The following CYFIP2 variants were observed in gnomAD, a reference collection of about 807,000 sequenced individuals.
CYFIP2 encodes cytoplasmic FMR1-interacting protein 2.
A neutral mutation model predicts 158.7 loss-of-function variants in CYFIP2; 29 were observed. That is an observed-to-expected ratio of 0.18 (90% CI 0.14 to 0.25). The LOEUF (loss-of-function observed/expected upper bound fraction) is 0.25. Among genes scored for constraint, CYFIP2 ranks in the 10% least tolerant of loss-of-function variants. CYFIP2 has a pLI of 1.00. For synonymous variants in CYFIP2, 585 were observed against 617.6 expected, an observed-to-expected ratio of 0.95 and a Z score of 0.78; for missense variants, 852 against 1,639.5, an observed-to-expected ratio of 0.52 and a Z score of 8.29.
intron 26 of CYFIP2, among the ~76,000 whole-genome samples, chr5:157,369,758 G>A (rs778510975): frequency 6.6e-6 from 1 of 152,166 alleles, no homozygotes; most frequent in African/African-American, 2.4e-5. Flanking sequence ...CAGGGAGGCA[G>A]TGCAGGTTAG....
chr5:157,271,004 T>C (rs1438610500), intron 1 of CYFIP2, among the ~76,000 whole-genome samples: 1 of 152,222 alleles, frequency 6.6e-6, no homozygotes, highest in East Asian at 1.9e-4. Context: ...AAGCAGTTTG[T>C]CGTGCAGTTA....
rs192795624 is a variant in CYFIP2 at position 157,291,314 on chromosome 5, G to A, written c.208-3469G>A. Among the ~76,000 whole-genome samples, 15 of 152,354 alleles carry A rather than the reference G, an allele frequency of 9.8e-5. No homozygotes were observed. In the East Asian group the frequency reaches 2.7e-3, roughly 27 times the overall value. Reference sequence around the variant, plus strand: ...AAGTTAAAAGGTGGGCCCAAGAAGAGTGAGGACCAGAACTCAAGTTTCCCA... The same window carrying A: ...AAGTTAAAAGGTGGGCCCAAGAAGAATGAGGACCAGAACTCAAGTTTCCCA... On this transcript the variant is annotated intron_variant, in intron 3 of 30. Coordinates refer to ENST00000620254, the MANE Select transcript of CYFIP2 (RefSeq NM_001037333.3).
At chr5:157,339,302 G>A in intron 22 of CYFIP2, 46 bp downstream of exon 22, 1 of 1,560,874 alleles carries the variant, frequency 6.4e-7, no homozygotes, top group Non-Finnish European at 8.8e-7. Context: ...GGTTGGGGGA[G>A]TGGCCAGCTG....
chr5:157,323,044 T>G (rs973079444), intron 15 of CYFIP2: 1 of 1,535,126 alleles, frequency 6.5e-7, no homozygotes, highest in African/African-American at 1.4e-5. Context: ...TGGGTTGGTT[T>G]GGGTACCCTT....
intron 17 of CYFIP2, 92 bp from the exon 18 acceptor site, chr5:157,326,079 G>C (rs1760997439): frequency 1.0e-6 from 1 of 981,024 alleles, no homozygotes; most frequent in African/African-American, 1.6e-5. Flanking sequence ...TTTCCTGACT[G>C]TGAACTTGTT....
chr5:157,372,914 TACACAC>T (rs1438955434), intron 26 of CYFIP2, among the ~76,000 whole-genome samples: 1 of 151,774 alleles, frequency 6.6e-6, no homozygotes, highest in African/African-American at 2.4e-5. Flanking sequence ...CACACACAAA[TACACAC>T]ACAAAGAATG....
intron 3 of CYFIP2, among the ~76,000 whole-genome samples, chr5:157,290,508 A>C (rs1002710003): frequency 6.6e-6 from 1 of 152,018 alleles, no homozygotes; most frequent in African/African-American, 2.4e-5. Flanking sequence ...AACAACCACC[A>C]CCACCCGCCT....
chr5:157,330,880 G>A (rs372421848), intron 20 of CYFIP2, 30 bp downstream of exon 20: 3 of 1,539,366 alleles, frequency 1.9e-6, no homozygotes, highest in Non-Finnish European at 2.7e-6. Flanking sequence ...CCTTGGAGAT[G>A]GAAGGGGCAG....
intron 21 of CYFIP2, 84 bp from the exon 22 acceptor site, chr5:157,338,973 G>A (rs3734026): frequency 0.39 from 542,744 of 1,383,324 alleles, 112,119 homozygotes; most frequent in African/African-American, 0.72. Flanking sequence ...TGTCACTTGC[G>A]TGAACAGAAG....
intron 3 of CYFIP2, among the ~76,000 whole-genome samples, chr5:157,293,016 ATG>A (rs1425380779): frequency 1.6e-5 from 2 of 126,752 alleles, no homozygotes; most frequent in African/African-American, 7.3e-5. Flanking sequence ...CCAGATATGT[ATG>A]TATGTATGTA....
chr5:157,342,728 T>C, intron 23 of CYFIP2: 1 of 912,032 alleles, frequency 1.1e-6, no homozygotes, highest in Non-Finnish European at 1.6e-6. Flanking sequence ...GGGGCATTCA[T>C]CCAACCCAGG....
At chr5:157,305,926 T>G (rs1308413188) in intron 8 of CYFIP2, among the ~76,000 whole-genome samples, 2 of 152,222 alleles carry the variant, frequency 1.3e-5, no homozygotes, top group Non-Finnish European at 2.9e-5. Flanking sequence ...GTGACTAAAT[T>G]TATTTGGCTA....
In CYFIP2 at chr5:157,360,762, A is replaced by T. The variant is rs957477377; in HGVS notation, c.2908+390A>T. Among the ~76,000 whole-genome samples, 6 of 152,226 alleles carry T rather than the reference A, an allele frequency of 3.9e-5. No individual in the cohort carries two copies. The East Asian group carries it at 9.6e-4, about 24-fold the overall frequency. ...GTGGTGCCAAGTTGACACATCTAAG[A>T]TAAGTCAGGAAATGGACATCTTTGC... is the stretch of plus-strand genomic sequence containing the variant. On this transcript the variant is annotated intron_variant, in intron 25 of 30. Coordinates refer to ENST00000620254, the MANE Select transcript of CYFIP2 (RefSeq NM_001037333.3).
chr5:157,274,902 A>T (rs988816755), intron 1 of CYFIP2, among the ~76,000 whole-genome samples: 9 of 152,116 alleles, frequency 5.9e-5, no homozygotes, highest in African/African-American at 2.2e-4. Context: ...TCTCTTTATT[A>T]ATGAGTTTTA....
chr5:157,310,706 T>C (rs1032458273), intron 10 of CYFIP2, among the ~76,000 whole-genome samples: 1 of 152,154 alleles, frequency 6.6e-6, no homozygotes, highest in Admixed American at 6.5e-5. Context: ...GTGACTGGGG[T>C]TGGGTGTGAG....
chr5:157,335,096 ACAT>A (rs1251650165), intron 21 of CYFIP2, among the ~76,000 whole-genome samples: 1 of 152,196 alleles, frequency 6.6e-6, no homozygotes, highest in African/African-American at 2.4e-5. Flanking sequence ...TGGGACTCTA[ACAT>A]CATACCTAGG....
Position 157,395,288 on chromosome 5 carries a change from T to G in CYFIP2, c.*2288T>G, listed in dbSNP as rs115781943. 3.7e-3 allele frequency: 1,020 copies of G among 276,980 alleles called. 11 individuals carry two copies. Among genetic ancestry groups the G allele is most frequent in the African/African-American group, 0.02 (875 of 43,042 alleles). The allele number at this position is 276,980 out of a possible 1,614,324, so 17.2% of individuals were successfully genotyped here. ...CTGCCCCAGCCTCTTTTTATTTTTT[T>G]TGTGTGTGTCTAATAACCAGGAAAA... On this transcript the variant is annotated 3_prime_UTR_variant, in exon 31 of 31. Transcript: ENST00000620254.
chr5:157,390,832 C>T (rs1416299825), intron 30 of CYFIP2, among the ~76,000 whole-genome samples, 164 bp downstream of exon 30: 2 of 152,126 alleles, frequency 1.3e-5, no homozygotes, highest in Non-Finnish European at 2.9e-5. Flanking sequence ...GTCGTGAGGT[C>T]GTGAGTCACC....
At chr5:157,353,472 G>T (rs1763206931) in intron 23 of CYFIP2, among the ~76,000 whole-genome samples, 1 of 152,194 alleles carries the variant, frequency 6.6e-6, no homozygotes, top group South Asian at 2.1e-4. Flanking sequence ...GGCCAAGAAG[G>T]AACCCAGATG....
Sources: gnomAD v4.1 joint callset for allele counts (sites outside exome capture counted in the v4.1 genomes callset) on GRCh38, gnomAD v4.1.1 for gene constraint, MANE v1.5 for transcripts, NCBI Gene and HGNC (gene_info 2026-07-23, HGNC 2026-07-21) for gene names.